The following YWHAZ variants were observed in gnomAD, a reference collection of about 807,000 sequenced individuals.
The protein encoded by YWHAZ is 14-3-3 protein zeta/delta.
For missense variants in YWHAZ, 79 were observed against 284.8 expected (o/e 0.28, Z 5.20); for synonymous variants, 87 against 103.6 (o/e 0.84, Z 0.97).
chr8:100,934,334 T>C (rs1813980853), intron 2 of YWHAZ, among the ~76,000 whole-genome samples: 1 of 150,632 alleles, frequency 6.6e-6, no homozygotes, highest in African/African-American at 2.4e-5. Context: ...TTTTTTTTTT[T>C]TTTTTAAAAG....
intron 2 of YWHAZ, among the ~76,000 whole-genome samples, chr8:100,941,823 A>C (rs1016387483): frequency 3.1e-5 from 4 of 127,080 alleles, no homozygotes; most frequent in African/African-American, 1.1e-4. Context: ...AAAAAAAAAA[A>C]AACATCTCTA....
Position 100,920,470 on chromosome 8 carries a change from T to A in YWHAZ, c.*223A>T. ...CTTGTATAAAAATTCCACATCCCCATATTGGCCACCTCAAGATGAAAACAG... is the reference window on the plus strand; with the variant it reads ...CTTGTATAAAAATTCCACATCCCCAAATTGGCCACCTCAAGATGAAAACAG... On this transcript the variant is annotated 3_prime_UTR_variant, in exon 6 of 6. Transcript: ENST00000395958. 3 of 558,458 alleles carry A rather than the reference T, an allele frequency of 5.4e-6. No homozygotes were observed. The highest frequency in any genetic ancestry group is 9.5e-6 in the Non-Finnish European group (3 of 317,262). 34.6% of individuals were successfully genotyped at this position (558,458 alleles called of 1,614,324 possible).
intron 2 of YWHAZ, among the ~76,000 whole-genome samples, chr8:100,928,084 C>T (rs143258515): frequency 0.046 from 6,960 of 152,106 alleles, 171 homozygotes; most frequent in Non-Finnish European, 0.057. Context: ...TCGAGGCCAT[C>T]CTGGCTAACA....
chr8:100,926,584 A>G (rs567723934), intron 2 of YWHAZ, among the ~76,000 whole-genome samples: 286 of 152,346 alleles, frequency 1.9e-3, no homozygotes, highest in Middle Eastern at 0.01. Flanking sequence ...GCACCACTGC[A>G]CTGCAGCCTG....
Position 100,924,290 on chromosome 8 carries a change from C to T in YWHAZ, c.427G>A (p.Asp143Asn), listed in dbSNP as rs137916988. 1.2e-6 allele frequency: 2 copies of T among 1,612,160 alleles called. No individual in the cohort carries two copies. The highest frequency in any genetic ancestry group is 1.3e-5 in the African/African-American group (1 of 74,826). Reference sequence around the variant, plus strand: ...TCTTGGTATGCTTGTTGTGACTGATCGACAATCCCTGGATAAGACACACCA... The same window carrying T: ...TCTTGGTATGCTTGTTGTGACTGATTGACAATCCCTGGATAAGACACACCA... ...AAGDDKKGIV[D>N]QSQQAYQEAF... is the part of the protein sequence containing the mutation. Residue 143 changes from aspartate to asparagine, a missense_variant, in exon 4 of 6, where the codon GAT becomes AAT. Physicochemically the swap from Asp to Asn is conservative, Grantham distance 23 (BLOSUM62 1). Coordinates refer to ENST00000395958, the MANE Select transcript of YWHAZ (RefSeq NM_145690.3). This position sits in a 1 kb window ranked among gnomAD's most constrained non-coding sequence, Gnocchi z 5.7.
chr8:100,927,435 G>A (rs1432431976), intron 2 of YWHAZ, among the ~76,000 whole-genome samples: 1 of 152,102 alleles, frequency 6.6e-6, no homozygotes, highest in Non-Finnish European at 1.5e-5. Flanking sequence ...GAGACAGGAG[G>A]ATCATCTGAG....
intron 5 of YWHAZ, among the ~76,000 whole-genome samples, chr8:100,921,607 T>C (rs1190454631): frequency 6.6e-6 from 1 of 152,238 alleles, no homozygotes; most frequent in Non-Finnish European, 1.5e-5. Flanking sequence ...AAAACAAACC[T>C]TTATTTATCA....
intron 2 of YWHAZ, among the ~76,000 whole-genome samples, chr8:100,940,711 A>C (rs2130288120): frequency 6.6e-6 from 1 of 152,360 alleles, no homozygotes; most frequent in East Asian, 1.9e-4. Context: ...TTAATTCAAC[A>C]ATTTCCTCAA....
At chr8:100,941,288 T>C (rs918095245) in intron 2 of YWHAZ, among the ~76,000 whole-genome samples, 5 of 152,202 alleles carry the variant, frequency 3.3e-5, no homozygotes, top group African/African-American at 1.2e-4. Context: ...ACAATGTTTA[T>C]TACGTTTAAG....
At chr8:100,951,131 G>C (rs1810729515) in intron 1 of YWHAZ, 1 of 924,422 alleles carries the variant, frequency 1.1e-6, no homozygotes, top group Non-Finnish European at 1.3e-6. Flanking sequence ...CTCCCACCGC[G>C]GAGCCCAGGA....
chr8:100,943,511 AGTAT>A (rs1810023538), intron 2 of YWHAZ, among the ~76,000 whole-genome samples: 1 of 152,262 alleles, frequency 6.6e-6, no homozygotes, highest in South Asian at 2.1e-4. Context: ...CATTTAATTC[AGTAT>A]TATAAAGACA....
intron 2 of YWHAZ, among the ~76,000 whole-genome samples, chr8:100,945,741 T>C (rs1023860472): frequency 2.0e-5 from 3 of 152,138 alleles, no homozygotes; most frequent in Admixed American, 1.3e-4. Flanking sequence ...ATGTGACCTA[T>C]TTGAAAAAGA....
intron 2 of YWHAZ, among the ~76,000 whole-genome samples, chr8:100,945,607 T>C (rs913264420): frequency 1.3e-5 from 2 of 152,174 alleles, no homozygotes; most frequent in Non-Finnish European, 2.9e-5. Flanking sequence ...TTTAAAATAT[T>C]TTTACTAATC....
At chr8:100,945,313 A>G (rs542651888) in intron 2 of YWHAZ, among the ~76,000 whole-genome samples, 25 of 152,240 alleles carry the variant, frequency 1.6e-4, no homozygotes, top group Non-Finnish European at 3.7e-4. Context: ...ATAAATACAT[A>G]TAACCAGAAT....
At chr8:100,933,541 A>G (rs1453065857) in intron 2 of YWHAZ, among the ~76,000 whole-genome samples, 1 of 152,200 alleles carries the variant, frequency 6.6e-6, no homozygotes, top group Non-Finnish European at 1.5e-5. Context: ...GAAAAATAAA[A>G]TGAAAAGAAT....
At chr8:100,951,118 T>A in intron 1 of YWHAZ, 81 of 720,250 alleles carry the variant, frequency 1.1e-4, no homozygotes, top group East Asian at 3.1e-4. Flanking sequence ...ATTCAAGTCC[T>A]TCCTCCCACC....
intron 2 of YWHAZ, among the ~76,000 whole-genome samples, chr8:100,928,824 A>C (rs769240767): frequency 2.0e-5 from 3 of 152,210 alleles, no homozygotes; most frequent in Non-Finnish European, 4.4e-5. Flanking sequence ...CAGGAATCAA[A>C]GTTATGGCGA....
chr8:100,951,347 C>T (rs1286299490), intron 1 of YWHAZ: 31 of 984,478 alleles, frequency 3.1e-5, no homozygotes, highest in South Asian at 4.7e-5. Flanking sequence ...CACCGCCTCC[C>T]GGGGTGGGGG....
At chr8:100,953,208 GT>G (rs1283919079), upstream of YWHAZ, 45 of 985,208 alleles carry the variant, frequency 4.6e-5, no homozygotes, top group Admixed American at 6.1e-5. Context: ...CGTAGGCTAG[GT>G]TTTCCTACCC....
Sources: allele counts gnomAD v4.1 joint callset (sites outside exome capture counted in the v4.1 genomes callset), GRCh38; gene constraint gnomAD v4.1.1; non-coding constraint Gnocchi (gnomAD v3.1); transcripts MANE v1.5; gene names NCBI Gene and HGNC (gene_info 2026-07-23, HGNC 2026-07-21).